ABCB1: variants seen among roughly 807,000 people sequenced by gnomAD.
ABCB1 encodes the protein ATP binding cassette subfamily B member 1, also known as ATP-dependent translocase ABCB1.
Under a neutral mutation model 142.0 loss-of-function variants are expected in ABCB1, and 69 were observed. The ratio of observed to expected loss-of-function variants is 0.49; its 90% CI spans 0.40 to 0.59. The LOEUF (loss-of-function observed/expected upper bound fraction) is 0.59, where lower values mean the gene tolerates loss of function less well. Ranked by LOEUF, ABCB1 falls within the 20% of genes least tolerant of loss-of-function variation. ABCB1 has a pLI of 0.00. For missense variants in ABCB1, 1,326 were observed against 1,554.7 expected (o/e 0.85, Z 2.47); for synonymous variants, 532 against 539.2 (o/e 0.99, Z 0.18).
intron 1 of ABCB1, among the ~76,000 whole-genome samples, chr7:87,655,252 G>A (rs1166370346): frequency 2.0e-5 from 3 of 152,076 alleles, no homozygotes; most frequent in Non-Finnish European, 2.9e-5. Flanking sequence ...TCAGTGTCTC[G>A]AAGAGTTATC....
At chr7:87,663,212 T>C (rs931269349) in intron 1 of ABCB1, among the ~76,000 whole-genome samples, 1 of 152,152 alleles carries the variant, frequency 6.6e-6, no homozygotes, top group Non-Finnish European at 1.5e-5. Flanking sequence ...TTTTTCCTTT[T>C]TAGTTGGATG....
At chr7:87,631,998 A>G (rs1198408042) in intron 1 of ABCB1, among the ~76,000 whole-genome samples, 1 of 152,170 alleles carries the variant, frequency 6.6e-6, no homozygotes, top group Non-Finnish European at 1.5e-5. Context: ...AATGTTTATA[A>G]TAGCTAAATT....
intron 24 of ABCB1, among the ~76,000 whole-genome samples, chr7:87,515,677 A>AC (rs1006577760): frequency 3.3e-5 from 5 of 151,078 alleles, no homozygotes; most frequent in African/African-American, 1.2e-4. Flanking sequence ...TGCAACCTCC[A>AC]CCCCCCAGGT....
intron 1 of ABCB1, among the ~76,000 whole-genome samples, chr7:87,663,960 C>T (rs1224810794): frequency 2.6e-5 from 4 of 152,072 alleles, no homozygotes; most frequent in African/African-American, 4.8e-5. Flanking sequence ...CTCATTTCAC[C>T]TTAATTAACT....
At chr7:87,684,883 G>A (rs1034249890) in intron 1 of ABCB1, among the ~76,000 whole-genome samples, 1 of 151,652 alleles carries the variant, frequency 6.6e-6, no homozygotes, top group Non-Finnish European at 1.5e-5. Flanking sequence ...AAGAATAATA[G>A]GCTAGGATTA....
intron 1 of ABCB1, among the ~76,000 whole-genome samples, chr7:87,677,659 A>G (rs1347621155): frequency 1.3e-5 from 2 of 152,190 alleles, no homozygotes; most frequent in Non-Finnish European, 2.9e-5. Flanking sequence ...ACATACACAC[A>G]CAAAAATCCA....
At chr7:87,710,523 T>C in intron 1 of ABCB1, 1 of 1,198,620 alleles carries the variant, frequency 8.3e-7, no homozygotes, top group Non-Finnish European at 1.2e-6. Context: ...AGTGGCAAAA[T>C]ATTTTTTTAA....
intron 14 of ABCB1, among the ~76,000 whole-genome samples, chr7:87,546,319 T>C (rs1360016235): frequency 6.6e-6 from 1 of 152,294 alleles, no homozygotes; most frequent in Middle Eastern, 3.4e-3. Context: ...CCGGGCGTGG[T>C]GGCTCACGCC....
chr7:87,647,296 T>C (rs1823106293), intron 1 of ABCB1, among the ~76,000 whole-genome samples: 1 of 148,200 alleles, frequency 6.7e-6, no homozygotes, highest in African/African-American at 2.7e-5. Context: ...TTCCATTCTC[T>C]TTTGTTGTTG....
chr7:87,521,502 G>A (rs116448635), intron 21 of ABCB1: 30 of 750,938 alleles, frequency 4.0e-5, no homozygotes, highest in African/African-American at 2.9e-4. Context: ...AACAGCTGAG[G>A]AAATTCTTCA....
chr7:87,517,466 C>A (rs192874177), intron 23 of ABCB1, among the ~76,000 whole-genome samples: 52 of 152,250 alleles, frequency 3.4e-4, no homozygotes, highest in Admixed American at 7.8e-4. Flanking sequence ...CCCAACCAAC[C>A]AGCTACAGAC....
Position 87,506,052 on chromosome 7 carries a change from A to C in ABCB1, c.3490-9T>G. Reference sequence around the variant, plus strand: ...ACTTTAGTGCTATATTTCTGTAAATAAGGTTTTGTTGTTATGAAAGTAGAA... The same window carrying C: ...ACTTTAGTGCTATATTTCTGTAAATCAGGTTTTGTTGTTATGAAAGTAGAA... On this transcript the variant is annotated splice_polypyrimidine_tract_variant and intron_variant, in intron 26 of 27. Coordinates refer to ENST00000622132, the MANE Select transcript of ABCB1 (RefSeq NM_001348946.2). 4 of 1,613,584 alleles carry C rather than the reference A, an allele frequency of 2.5e-6. No homozygotes were observed. The highest frequency in any genetic ancestry group is 3.4e-6 in the Non-Finnish European group (4 of 1,179,514).
chr7:87,538,123 A>C (rs1816376458), intron 19 of ABCB1, among the ~76,000 whole-genome samples: 1 of 152,218 alleles, frequency 6.6e-6, no homozygotes, highest in Admixed American at 6.5e-5. Flanking sequence ...TGCTTGCCCT[A>C]CTTAACAATT....
chr7:87,688,775 T>G (rs1362915733), intron 1 of ABCB1, among the ~76,000 whole-genome samples: 1 of 152,038 alleles, frequency 6.6e-6, no homozygotes, highest in Non-Finnish European at 1.5e-5. Flanking sequence ...ACTTGGTTAC[T>G]TGCTTCTGTT....
In ABCB1 at chr7:87,566,985, C is replaced by T; in HGVS notation, c.339-9G>A. 1.2e-6 allele frequency: 2 copies of T among 1,613,308 alleles called. No homozygotes were observed. Among genetic ancestry groups the T allele is most frequent in the Non-Finnish European group, 1.7e-6 (2 of 1,179,274 alleles). On this transcript the variant is annotated splice_polypyrimidine_tract_variant and intron_variant, in intron 5 of 27. Transcript: ENST00000622132. ...TGTAATAATAGGCATACCTGAAAAA[C>T]AACAAGAACACTGCACATGCTCTCT...
chr7:87,522,060 G>A, intron 21 of ABCB1: 3 of 1,087,350 alleles, frequency 2.8e-6, no homozygotes, highest in Admixed American at 1.7e-5. Flanking sequence ...GCAGCTCTGG[G>A]AACTTTGGTG....
chr7:87,558,271 T>G (rs969512461), intron 8 of ABCB1, among the ~76,000 whole-genome samples: 2 of 152,226 alleles, frequency 1.3e-5, no homozygotes, highest in Middle Eastern at 3.2e-3. Context: ...GCACTGACTG[T>G]TAGGTTTATT....
intron 2 of ABCB1, among the ~76,000 whole-genome samples, chr7:87,597,710 G>T (rs1563069243): frequency 6.6e-6 from 1 of 151,970 alleles, no homozygotes; most frequent in Non-Finnish European, 1.5e-5. Flanking sequence ...CTTTTTCATG[G>T]TTTATATGAA....
chr7:87,515,034 A>G (rs911072481), intron 25 of ABCB1, among the ~76,000 whole-genome samples, 197 bp downstream of exon 25: 3 of 152,204 alleles, frequency 2.0e-5, no homozygotes, highest in Non-Finnish European at 4.4e-5. Context: ...GTAGAGGGGT[A>G]GTGTTGAGGG....
Sources: gnomAD v4.1 joint callset for allele counts (sites outside exome capture counted in the v4.1 genomes callset) on GRCh38, gnomAD v4.1.1 for gene constraint, MANE v1.5 for transcripts, NCBI Gene and HGNC (gene_info 2026-07-23, HGNC 2026-07-21) for gene names.